BIVM: variants seen among roughly 807,000 people sequenced by gnomAD.
BIVM encodes the protein basic, immunoglobulin-like variable motif containing.
BIVM carries 31 observed loss-of-function variants against 61.4 expected under a neutral mutation model. That is an observed-to-expected ratio of 0.51 (90% CI 0.38 to 0.68). The LOEUF (loss-of-function observed/expected upper bound fraction) is 0.68. Among genes scored for constraint, BIVM ranks in the 30% least tolerant of loss-of-function variants. The probability of loss-of-function intolerance (pLI) is 0.00; values close to 1 mark genes in which losing one functional copy is unlikely to be tolerated. For synonymous variants in BIVM, 189 were observed against 210.7 expected, an observed-to-expected ratio of 0.90 and a Z score of 0.89; for missense variants, 526 against 596.0, an observed-to-expected ratio of 0.88 and a Z score of 1.22.
chr13:102,830,844 G>T (rs966500983), intron 7 of BIVM, among the ~76,000 whole-genome samples: 56 of 152,138 alleles, frequency 3.7e-4, no homozygotes, highest in African/African-American at 1.4e-3. Flanking sequence ...ATCCCAGGTT[G>T]CCACACAGGG....
chr13:102,816,696 T>A, intron 4 of BIVM, 142 bp downstream of exon 4: 2 of 816,320 alleles, frequency 2.5e-6, no homozygotes, highest in Non-Finnish European at 3.3e-6. Context: ...TCTGAATATT[T>A]AAAGTCACCA....
chr13:102,816,412 T>C lies in BIVM; in HGVS notation c.479-16T>C. The C allele has an allele frequency of 4.5e-6, 7 of 1,541,112 alleles. No individual in the cohort carries two copies. Among genetic ancestry groups the C allele is most frequent in the Non-Finnish European group, 4.3e-6 (5 of 1,154,010 alleles). ...CATCTTAAGCATTTTGCTTATTTTA[T>C]ACTCTTGTATTCTAGGCAATGCAAA... On this transcript the variant is annotated splice_polypyrimidine_tract_variant and intron_variant, in intron 3 of 10. Transcript: ENST00000257336.
intron 9 of BIVM, among the ~76,000 whole-genome samples, chr13:102,835,868 T>C (rs2140500314): frequency 6.6e-6 from 1 of 152,362 alleles, no homozygotes; most frequent in East Asian, 1.9e-4. Flanking sequence ...GTATAAATGG[T>C]GTCATACAGT....
At position 102,838,676 on chromosome 13, in the gene BIVM, A is replaced by G. The variant is rs1229701475; in HGVS notation, c.1155A>G (p.Gln385=). ...WADIVTDLNT[Q]NPEYLDIRHL... ...ATATTGTTACTGATCTAAACACTCA[A>G]AATCCAGAATACCTGGATATCCGGC... The change falls in exon 10 of 11, where the codon CAA becomes CAG. Residue 385 remains glutamine, a synonymous_variant. Transcript: ENST00000257336. The G allele has an allele frequency of 1.2e-6, 2 of 1,613,572 alleles. No individual in the cohort carries two copies. The highest frequency in any genetic ancestry group is 8.5e-7 in the Non-Finnish European group (1 of 1,179,692).
chr13:102,825,253 T>G (rs1351953388), intron 7 of BIVM, among the ~76,000 whole-genome samples: 1 of 152,102 alleles, frequency 6.6e-6, no homozygotes, highest in Non-Finnish European at 1.5e-5. Context: ...ACTAATTTTA[T>G]TTTTTAATTT....
intron 1 of BIVM, chr13:102,800,464 G>C (rs1447319125): frequency 6.6e-6 from 1 of 152,360 alleles, no homozygotes; most frequent in Non-Finnish European, 1.5e-5. Flanking sequence ...GGCGCGGGCT[G>C]GGTTGGCCAC....
At position 102,840,878 on chromosome 13, in the gene BIVM, C is replaced by T. The variant is rs1228926524; in HGVS notation, c.*1013C>T. On this transcript the variant is annotated 3_prime_UTR_variant, in exon 11 of 11. Transcript: ENST00000257336. ...GGGTAAAGTAAAAGAACAATTGGCA[C>T]CTTAAGTTTCTATACCCAAGGTTAT... The T allele has an allele frequency of 6.6e-6, 1 of 151,892 alleles. No individual in the cohort carries two copies. Among genetic ancestry groups the T allele is most frequent in the Non-Finnish European group, 1.5e-5 (1 of 67,998 alleles). The allele number at this position is 151,892 out of a possible 1,614,324, so 9.4% of individuals were successfully genotyped here.
In BIVM at chr13:102,816,560, G is replaced by T. The variant is rs1162776676; in HGVS notation, c.605+6G>T. ...GTATTAGACCTCAGACGATGGTGAT[G>T]TTATCAGTTTTTATTTTTTTCATTT... On this transcript the variant is annotated splice_donor_region_variant and intron_variant, in intron 4 of 10. Coordinates refer to ENST00000257336, the MANE Select transcript of BIVM (RefSeq NM_017693.4). 1 of 1,514,642 alleles carries T rather than the reference G, an allele frequency of 6.6e-7. No homozygotes were observed. The highest frequency in any genetic ancestry group is 8.8e-7 in the Non-Finnish European group (1 of 1,138,702). The allele number at this position is 1,514,642 out of a possible 1,614,324, so 93.8% of individuals were successfully genotyped here. A position where few individuals can be genotyped will look rare whatever the true frequency, so the allele number is the denominator to read the frequency against.
At chr13:102,835,648 G>A (rs184894601) in intron 9 of BIVM, among the ~76,000 whole-genome samples, 7 of 152,058 alleles carry the variant, frequency 4.6e-5, no homozygotes, top group Admixed American at 2.0e-4. Context: ...TTCTCCTGCC[G>A]TAGCCTCCTG....
At chr13:102,818,764 C>T (rs903955938) in intron 4 of BIVM, among the ~76,000 whole-genome samples, 6 of 152,032 alleles carry the variant, frequency 3.9e-5, no homozygotes, top group African/African-American at 1.4e-4. Flanking sequence ...GCATTTTAAC[C>T]TGGTCATAAA....
intron 8 of BIVM, among the ~76,000 whole-genome samples, chr13:102,833,865 C>CT (rs1881285442): frequency 6.6e-6 from 1 of 152,196 alleles, no homozygotes. Context: ...CTGTATGTTT[C>CT]TTTTATGATT....
Position 102,807,537 on chromosome 13 carries a change from C to T in BIVM, c.270C>T (p.Arg90=). 1 of 1,614,214 alleles carries T rather than the reference C, an allele frequency of 6.2e-7. No homozygotes were observed. Among genetic ancestry groups the T allele is most frequent in the East Asian group, 2.2e-5 (1 of 44,890 alleles). Residue 90 remains arginine, a synonymous_variant, in exon 3 of 11, where the codon CGC becomes CGT. Coordinates refer to ENST00000257336, the MANE Select transcript of BIVM (RefSeq NM_017693.4). This position sits in a 1 kb window ranked among gnomAD's most constrained non-coding sequence, Gnocchi z 4.0. ...TCTATAAAACTCCAAATCCATCCCG[C>T]TCTCCTTGCCTCCCTGATAGTACCT... is the stretch of plus-strand genomic sequence containing the variant. The part of the protein sequence containing the change: ...TSIYKTPNPS[R]SPCLPDSTSL...
intron 7 of BIVM, among the ~76,000 whole-genome samples, chr13:102,824,542 G>T (rs535022866): frequency 6.6e-6 from 1 of 152,284 alleles, no homozygotes; most frequent in Non-Finnish European, 1.5e-5. Context: ...TAAAAGGCTT[G>T]ATAGTAAATA....
rs111984261 is a variant in BIVM, at chr13:102,819,723, A to G, written c.606-1314A>G. 1.6e-3 allele frequency among the ~76,000 whole-genome samples: 246 copies of G among 152,296 alleles called. 2 individuals carry two copies. Among genetic ancestry groups the G allele is most frequent in the African/African-American group, 5.7e-3 (235 of 41,550 alleles). On this transcript the variant is annotated intron_variant, in intron 4 of 10. Transcript: ENST00000257336. ...ACCATGACACACATTTATCTATGTA[A>G]TAAAGCTGCACATCCTGCATGTATA...
chr13:102,837,630 CA>C (rs772756765), intron 9 of BIVM, among the ~76,000 whole-genome samples: 2 of 152,118 alleles, frequency 1.3e-5, no homozygotes, highest in Non-Finnish European at 2.9e-5. Flanking sequence ...TTCGCAGTTG[CA>C]AAGATGGAGA....
chr13:102,829,478 AG>A (rs1167007117), intron 7 of BIVM, among the ~76,000 whole-genome samples: 12 of 152,278 alleles, frequency 7.9e-5, no homozygotes, highest in Admixed American at 6.5e-4. Context: ...AGCTTCCCTC[AG>A]TAATACATTT....
rs76829802 is a variant in BIVM, at chr13:102,816,414, C to T, written c.479-14C>T. 7 of 1,546,304 alleles carry T rather than the reference C, an allele frequency of 4.5e-6. No individual in the cohort carries two copies. The highest frequency in any genetic ancestry group is 6.1e-6 in the Non-Finnish European group (7 of 1,155,920). On this transcript the variant is annotated splice_polypyrimidine_tract_variant and intron_variant, in intron 3 of 10. Transcript: ENST00000257336. ...TCTTAAGCATTTTGCTTATTTTATA[C>T]TCTTGTATTCTAGGCAATGCAAAGA...
chr13:102,817,031 G>A (rs1420290902), intron 4 of BIVM, among the ~76,000 whole-genome samples: 1 of 152,116 alleles, frequency 6.6e-6, no homozygotes, highest in East Asian at 1.9e-4. Flanking sequence ...ACGTTTCCCA[G>A]ATTGTTCTGA....
At chr13:102,832,634 G>A (rs1043050715) in intron 8 of BIVM, among the ~76,000 whole-genome samples, 7 of 152,214 alleles carry the variant, frequency 4.6e-5, no homozygotes, top group Admixed American at 4.6e-4. Flanking sequence ...TCACAACTGA[G>A]TAAATTAAAA....
Sources: gnomAD v4.1 joint callset for allele counts (sites outside exome capture counted in the v4.1 genomes callset) on GRCh38, gnomAD v4.1.1 for gene constraint, Gnocchi (gnomAD v3.1) non-coding constraint, MANE v1.5 for transcripts, NCBI Gene and HGNC (gene_info 2026-07-23, HGNC 2026-07-21) for gene names.